Variants in NLGN1 observed in about 807,000 individuals in gnomAD.
NLGN1 encodes neuroligin 1.
NLGN1 carries 12 observed loss-of-function variants against 65.5 expected under a neutral mutation model. The ratio of observed to expected loss-of-function variants is 0.18; its 90% confidence interval spans 0.12 to 0.30. The LOEUF (loss-of-function observed/expected upper bound fraction) is 0.30. NLGN1 is among the 10% of genes least tolerant of loss of function. NLGN1 has a pLI of 1.00. For missense variants in NLGN1, 750 were observed against 1,007.1 expected (o/e 0.74, Z 3.46); for synonymous variants, 350 against 359.5 (o/e 0.97, Z 0.30).
intron 4 of NLGN1, among the ~76,000 whole-genome samples, chr3:173,871,792 C>T (rs1731213483): frequency 6.6e-6 from 1 of 152,130 alleles, no homozygotes; most frequent in African/African-American, 2.4e-5. Context: ...GCCATGGGAA[C>T]AGGCCTGGAT....
At chr3:173,946,770 C>G (rs1032164179) in intron 4 of NLGN1, among the ~76,000 whole-genome samples, 3 of 152,132 alleles carry the variant, frequency 2.0e-5, no homozygotes, top group Non-Finnish European at 4.4e-5. Context: ...TTAACCATTG[C>G]CAATATGTCC....
chr3:173,803,127 C>T (rs1715819796), intron 3 of NLGN1, among the ~76,000 whole-genome samples: 1 of 152,102 alleles, frequency 6.6e-6, no homozygotes, highest in African/African-American at 2.4e-5. Context: ...AGGCGTGAGC[C>T]ACCAGGCCTG....
intron 4 of NLGN1, among the ~76,000 whole-genome samples, chr3:173,865,116 A>G (rs1238913996): frequency 6.6e-6 from 1 of 152,176 alleles, no homozygotes; most frequent in Non-Finnish European, 1.5e-5. Context: ...ATATTTGTCA[A>G]AGTGAATGCT....
chr3:173,735,228 CA>C (rs1773551893), intron 3 of NLGN1, among the ~76,000 whole-genome samples: 1 of 152,072 alleles, frequency 6.6e-6, no homozygotes, highest in Non-Finnish European at 1.5e-5. Context: ...TAAAAAGTAA[CA>C]ACCAAAATGC....
At chr3:173,699,477 A>G (rs1578012777) in intron 3 of NLGN1, among the ~76,000 whole-genome samples, 1 of 152,166 alleles carries the variant, frequency 6.6e-6, no homozygotes, top group African/African-American at 2.4e-5. Context: ...AAATGGCCTG[A>G]TTTTTCCAGG....
At chr3:174,131,802 A>G (rs193019506) in intron 4 of NLGN1, among the ~76,000 whole-genome samples, 1 of 152,322 alleles carries the variant, frequency 6.6e-6, no homozygotes, top group East Asian at 1.9e-4. Context: ...ATATGGTAAA[A>G]TGACAAGTGT....
At chr3:173,481,871 C>G (rs1341565650) in intron 2 of NLGN1, among the ~76,000 whole-genome samples, 2 of 151,908 alleles carry the variant, frequency 1.3e-5, no homozygotes, top group South Asian at 2.1e-4. Context: ...TTAAAAAAAT[C>G]TTTGACACTT....
intron 1 of NLGN1, among the ~76,000 whole-genome samples, chr3:173,413,831 G>A (rs2148660885): frequency 6.6e-6 from 1 of 152,202 alleles, no homozygotes; most frequent in South Asian, 2.1e-4. Flanking sequence ...GCTACCCTAT[G>A]GGCAAAAGGT....
intron 3 of NLGN1, among the ~76,000 whole-genome samples, chr3:173,804,249 G>C (rs1378219084): frequency 2.6e-5 from 4 of 151,914 alleles, no homozygotes; most frequent in African/African-American, 9.7e-5. Flanking sequence ...TTATAAACAT[G>C]CCTGACAAAC....
chr3:173,916,421 A>G (rs934031756), intron 4 of NLGN1, among the ~76,000 whole-genome samples: 3 of 152,182 alleles, frequency 2.0e-5, no homozygotes, highest in Admixed American at 6.6e-5. Context: ...TATAAGCTCT[A>G]GCTTAAGGAA....
chr3:173,859,722 T>C (rs1728695232), intron 4 of NLGN1, among the ~76,000 whole-genome samples: 1 of 152,110 alleles, frequency 6.6e-6, no homozygotes, highest in Non-Finnish European at 1.5e-5. Context: ...TGGAACCAAA[T>C]AATTTTTAGA....
chr3:173,797,163 G>T (rs1714273635), intron 3 of NLGN1, among the ~76,000 whole-genome samples: 2 of 152,146 alleles, frequency 1.3e-5, no homozygotes, highest in South Asian at 4.1e-4. Context: ...CTTCCTCAGA[G>T]AAACCAGTGT....
chr3:174,277,127 C>T (rs1750728228), intron 5 of NLGN1, among the ~76,000 whole-genome samples: 1 of 151,764 alleles, frequency 6.6e-6, no homozygotes, highest in Non-Finnish European at 1.5e-5. Flanking sequence ...TCTGTCTATC[C>T]CTGGAAAAAG....
intron 2 of NLGN1, among the ~76,000 whole-genome samples, chr3:173,518,518 ATGAG>A (rs2149125559): frequency 6.7e-6 from 1 of 149,516 alleles, no homozygotes; most frequent in South Asian, 2.1e-4. Flanking sequence ...TTATATATAT[ATGAG>A]TATGTGTATG....
chr3:173,676,136 GT>G (rs1226051219), intron 3 of NLGN1, among the ~76,000 whole-genome samples: 2 of 152,066 alleles, frequency 1.3e-5, no homozygotes, highest in East Asian at 3.9e-4. Flanking sequence ...AATAATAGTA[GT>G]AATAATAATA....
chr3:173,825,445 C>A (rs9878343), intron 4 of NLGN1, among the ~76,000 whole-genome samples: 100,460 of 151,788 alleles, frequency 0.66, 34,133 homozygotes, highest in Non-Finnish European at 0.74. Flanking sequence ...TTTTTATATC[C>A]TTTGCTCAGC....
intron 4 of NLGN1, among the ~76,000 whole-genome samples, chr3:174,080,748 A>C (rs1384397405): frequency 1.3e-5 from 2 of 149,586 alleles, no homozygotes; most frequent in Admixed American, 6.7e-5. Context: ...GCTGATCATC[A>C]GTTTCAGGTT....
chr3:173,517,570 T>C (rs1288503562), intron 2 of NLGN1, among the ~76,000 whole-genome samples: 1 of 152,122 alleles, frequency 6.6e-6, no homozygotes, highest in Non-Finnish European at 1.5e-5. Flanking sequence ...TATTGTGTCC[T>C]CTGTCACCCA....
At chr3:173,786,206 A>T (rs944259033) in intron 3 of NLGN1, among the ~76,000 whole-genome samples, 1 of 152,178 alleles carries the variant, frequency 6.6e-6, no homozygotes, top group Non-Finnish European at 1.5e-5. Context: ...ACAGGGATTA[A>T]ATCTGAAAGG....
Sources: gnomAD v4.1 joint callset for allele counts (sites outside exome capture counted in the v4.1 genomes callset) on GRCh38, gnomAD v4.1.1 for gene constraint, MANE v1.5 for transcripts, NCBI Gene and HGNC (gene_info 2026-07-23, HGNC 2026-07-21) for gene names.